KLHL29: variants seen among roughly 807,000 people sequenced by gnomAD.
The protein encoded by KLHL29 is kelch like family member 29, also known as kelch-like protein 29.
KLHL29 carries 21 observed loss-of-function variants against 80.4 expected under a neutral mutation model. The observed-to-expected ratio is 0.26, with a 90% CI of 0.19 to 0.38. The LOEUF is 0.38. Ranked by LOEUF, KLHL29 falls within the 10% of genes least tolerant of loss-of-function variation. The pLI, the probability that KLHL29 is intolerant of heterozygous loss-of-function variation, is 1.00. For missense variants in KLHL29, 867 were observed against 1,223.9 expected (o/e 0.71, Z 4.35); for synonymous variants, 511 against 526.8 (o/e 0.97, Z 0.41).
intron 3 of KLHL29, among the ~76,000 whole-genome samples, chr2:23,576,304 C>CAA (rs3086869): frequency 8.4e-4 from 110 of 131,512 alleles, no homozygotes; most frequent in African/African-American, 2.8e-3. Context: ...GACTCTATCT[C>CAA]AAAAAAAAAA....
chr2:23,456,080 C>A (rs544943140), intron 1 of KLHL29, among the ~76,000 whole-genome samples: 1 of 152,304 alleles, frequency 6.6e-6, no homozygotes, highest in Admixed American at 6.5e-5. Flanking sequence ...GACTTCTGGC[C>A]TCCAGAACTG....
At chr2:23,487,986 A>T (rs1558356690) in intron 2 of KLHL29, among the ~76,000 whole-genome samples, 1 of 152,160 alleles carries the variant, frequency 6.6e-6, no homozygotes, top group Non-Finnish European at 1.5e-5. Flanking sequence ...GGCCCCTTCT[A>T]GCCTTTTAAC....
intron 2 of KLHL29, among the ~76,000 whole-genome samples, chr2:23,544,610 G>A (rs538641085): frequency 6.6e-6 from 1 of 152,238 alleles, no homozygotes; most frequent in South Asian, 2.1e-4. Flanking sequence ...CAATGAGAGT[G>A]AGCGGGAAAG....
At chr2:23,417,518 C>A (rs774032925) in intron 1 of KLHL29, among the ~76,000 whole-genome samples, 16 of 152,200 alleles carry the variant, frequency 1.1e-4, no homozygotes, top group Non-Finnish European at 1.5e-4. Flanking sequence ...CAGTGCCATG[C>A]AGTACGCACT....
At chr2:23,491,776 G>A (rs1035315479) in intron 2 of KLHL29, among the ~76,000 whole-genome samples, 2 of 152,058 alleles carry the variant, frequency 1.3e-5, no homozygotes, top group African/African-American at 4.8e-5. Context: ...CTCAGGTGCC[G>A]TGCGACCTCG....
At chr2:23,388,634 C>A (rs1666241431) in intron 1 of KLHL29, among the ~76,000 whole-genome samples, 1 of 152,190 alleles carries the variant, frequency 6.6e-6, no homozygotes, top group Admixed American at 6.5e-5. Flanking sequence ...GTTGTGCCAT[C>A]TTTTTCCTTC....
chr2:23,422,407 G>A (rs1488996132), intron 1 of KLHL29, among the ~76,000 whole-genome samples: 1 of 151,350 alleles, frequency 6.6e-6, no homozygotes, highest in Non-Finnish European at 1.5e-5. Flanking sequence ...ATGCCTATGT[G>A]TCTGTGTTGT....
intron 2 of KLHL29, among the ~76,000 whole-genome samples, chr2:23,476,145 G>T (rs747110133): frequency 6.6e-6 from 1 of 152,018 alleles, no homozygotes; most frequent in Non-Finnish European, 1.5e-5. Flanking sequence ...AAAGCGCTGC[G>T]ATTGTAGGCG....
At chr2:23,576,817 T>C (rs1667854949) in intron 3 of KLHL29, among the ~76,000 whole-genome samples, 1 of 152,230 alleles carries the variant, frequency 6.6e-6, no homozygotes, top group African/African-American at 2.4e-5. Context: ...GCTGGAACTC[T>C]GGTGGCATCT....
At chr2:23,388,471 A>G (rs1572473044) in intron 1 of KLHL29, among the ~76,000 whole-genome samples, 1 of 152,192 alleles carries the variant, frequency 6.6e-6, no homozygotes, top group African/African-American at 2.4e-5. Context: ...GTTGGTGTGG[A>G]TTGAGTGTCA....
At chr2:23,484,824 TC>T (rs1157521375) in intron 2 of KLHL29, among the ~76,000 whole-genome samples, 2 of 152,168 alleles carry the variant, frequency 1.3e-5, no homozygotes, top group Admixed American at 1.3e-4. Flanking sequence ...GGGCTCTTGC[TC>T]CCATCTCTGC....
intron 2 of KLHL29, among the ~76,000 whole-genome samples, chr2:23,492,878 G>T (rs866238102): frequency 1.3e-5 from 2 of 152,098 alleles, no homozygotes; most frequent in Non-Finnish European, 2.9e-5. Flanking sequence ...GTAGCCTCAC[G>T]ATACTACGAT....
At chr2:23,646,953 C>G (rs1669951041) in intron 5 of KLHL29, among the ~76,000 whole-genome samples, 1 of 152,166 alleles carries the variant, frequency 6.6e-6, no homozygotes, top group African/African-American at 2.4e-5. Context: ...CTGCTTACCC[C>G]AAAAGCAGCT....
At chr2:23,563,888 T>C (rs376602206) in intron 3 of KLHL29, among the ~76,000 whole-genome samples, 1 of 152,074 alleles carries the variant, frequency 6.6e-6, no homozygotes, top group African/African-American at 2.4e-5. Context: ...AGATGGAGGA[T>C]TATTTGGGCA....
intron 1 of KLHL29, among the ~76,000 whole-genome samples, chr2:23,461,335 TC>T (rs1664204009): frequency 6.6e-6 from 1 of 152,182 alleles, no homozygotes; most frequent in Admixed American, 6.5e-5. Context: ...TCTTTCTGTC[TC>T]CTACTTTGGG....
chr2:23,548,594 C>T (rs1279932366), intron 2 of KLHL29, among the ~76,000 whole-genome samples: 1 of 152,220 alleles, frequency 6.6e-6, no homozygotes, highest in African/African-American at 2.4e-5. Context: ...ACCCATCTCT[C>T]CTTTTGCCAC....
intron 1 of KLHL29, among the ~76,000 whole-genome samples, chr2:23,390,453 T>C (rs1666289799): frequency 6.6e-6 from 1 of 152,170 alleles, no homozygotes; most frequent in African/African-American, 2.4e-5. Context: ...AGGTGTCTAT[T>C]GTTATGATTT....
chr2:23,533,231 G>A (rs905896022), intron 2 of KLHL29, among the ~76,000 whole-genome samples: 1 of 152,154 alleles, frequency 6.6e-6, no homozygotes, highest in African/African-American at 2.4e-5. Context: ...ATCTGTGTGT[G>A]CACAAGTAAG....
At chr2:23,657,971 C>T (rs1014109860) in intron 5 of KLHL29, among the ~76,000 whole-genome samples, 9 of 152,146 alleles carry the variant, frequency 5.9e-5, no homozygotes, top group Non-Finnish European at 1.2e-4. Flanking sequence ...TGCGGAGCCA[C>T]GGGGCAGTTC....
Sources: allele counts gnomAD v4.1 joint callset (sites outside exome capture counted in the v4.1 genomes callset), GRCh38; gene constraint gnomAD v4.1.1; transcripts MANE v1.5; gene names NCBI Gene and HGNC (gene_info 2026-07-23, HGNC 2026-07-21).